Variants in TEAD1 observed in about 807,000 individuals in gnomAD.
The protein encoded by TEAD1 is TEA domain transcription factor 1.
In TEAD1, 9 loss-of-function variants were observed where a neutral mutation model predicts 54.9. The observed-to-expected ratio is 0.16, with a 90% CI of 0.10 to 0.29. The LOEUF is 0.29. Ranked by LOEUF, TEAD1 falls within the 10% of genes least tolerant of loss-of-function variation. The probability of loss-of-function intolerance (pLI) is 1.00; values close to 1 mark genes in which losing one functional copy is unlikely to be tolerated. For synonymous variants in TEAD1, 200 were observed against 187.8 expected (o/e 1.07, Z -0.53); for missense variants, 387 against 535.9 (o/e 0.72, Z 2.74).
chr11:12,767,917 A>T lies in TEAD1; in HGVS notation c.202+3483A>T, dbSNP rs573425824. On this transcript the variant is annotated intron_variant, in intron 3 of 12. Transcript: ENST00000527636. Reference sequence around the variant, plus strand: ...GTAGATCATGGGAGAGGAGATAGATAGCAGGAGGACAAGATGAGAGGGAAG... The same window carrying T: ...GTAGATCATGGGAGAGGAGATAGATTGCAGGAGGACAAGATGAGAGGGAAG... 7.2e-5 allele frequency among the ~76,000 whole-genome samples: 11 copies of T among 152,318 alleles called. No individual in the cohort carries two copies. The East Asian group carries it at 2.1e-3, about 29-fold the overall frequency.
chr11:12,905,344 A>G (rs1465073089), intron 10 of TEAD1, among the ~76,000 whole-genome samples: 1 of 152,202 alleles, frequency 6.6e-6, no homozygotes, highest in Non-Finnish European at 1.5e-5. Context: ...GGAGATGTGC[A>G]AATTTAGAAA....
chr11:12,796,275 G>A (rs1041046393), intron 3 of TEAD1, among the ~76,000 whole-genome samples: 3 of 152,132 alleles, frequency 2.0e-5, no homozygotes, highest in African/African-American at 7.2e-5. Context: ...AGCATATAGT[G>A]GGCAGTCAGT....
intron 3 of TEAD1, among the ~76,000 whole-genome samples, chr11:12,861,559 G>A (rs1478010166): frequency 6.6e-6 from 1 of 152,212 alleles, no homozygotes; most frequent in Non-Finnish European, 1.5e-5. Context: ...GAATATGAAT[G>A]TGAATATGAA....
rs545949482 is a variant in TEAD1 at position 12,885,902 on chromosome 11, C to A, written c.699+2777C>A. Among the ~76,000 whole-genome samples, 25 of 152,328 alleles carry A rather than the reference C, an allele frequency of 1.6e-4. No homozygotes were observed. In the South Asian group the frequency reaches 3.3e-3, roughly 20 times the overall value. Reference sequence around the variant, plus strand: ...CAAGAAGCTGTACAGGAGAGGGGCTCATCGCTGCCCAGACGGCCACAGCCT... The same window carrying A: ...CAAGAAGCTGTACAGGAGAGGGGCTAATCGCTGCCCAGACGGCCACAGCCT... On this transcript the variant is annotated intron_variant, in intron 9 of 12. Transcript: ENST00000527636.
intron 2 of TEAD1, among the ~76,000 whole-genome samples, chr11:12,717,685 T>G (rs967663641): frequency 5.9e-5 from 9 of 152,174 alleles, no homozygotes; most frequent in African/African-American, 2.2e-4. Context: ...TTGTGTGGTG[T>G]TAACAGGGAG....
intron 2 of TEAD1, among the ~76,000 whole-genome samples, chr11:12,712,226 T>G (rs199531945): frequency 3.3e-5 from 5 of 152,286 alleles, no homozygotes; most frequent in Admixed American, 2.6e-4. Context: ...AATTTGAGCT[T>G]CTTATTGGAG....
At chr11:12,840,263 G>GAAAAAAAAAAAAAAAAAAA (rs1564959349) in intron 3 of TEAD1, among the ~76,000 whole-genome samples, 1 of 43,544 alleles carries the variant, frequency 2.3e-5, no homozygotes, top group African/African-American at 9.5e-5. Flanking sequence ...AAAAAAAAAA[G>GAAAAAAAAAAAAAAAAAAA]AAAAAAAAAA....
chr11:12,716,603 G>C (rs1011375388), intron 2 of TEAD1, among the ~76,000 whole-genome samples: 39 of 152,156 alleles, frequency 2.6e-4, no homozygotes, highest in African/African-American at 9.2e-4. Flanking sequence ...CAGGTCACCT[G>C]GTCTCTGCCA....
intron 10 of TEAD1, among the ~76,000 whole-genome samples, chr11:12,909,154 C>T (rs906036432): frequency 2.6e-5 from 4 of 152,088 alleles, no homozygotes; most frequent in African/African-American, 7.2e-5. Context: ...CAAAAGTCTT[C>T]GATTCTTCCT....
At chr11:12,802,658 A>G (rs1442970110) in intron 3 of TEAD1, among the ~76,000 whole-genome samples, 1 of 152,144 alleles carries the variant, frequency 6.6e-6, no homozygotes, top group Non-Finnish European at 1.5e-5. Context: ...ATCCAGGTCA[A>G]GATGAAGAAA....
chr11:12,700,806 G>A (rs1943684283), intron 2 of TEAD1, among the ~76,000 whole-genome samples: 1 of 152,152 alleles, frequency 6.6e-6, no homozygotes, highest in African/African-American at 2.4e-5. Flanking sequence ...TAATGCATCT[G>A]GTGCCAAGTG....
At chr11:12,777,676 C>G (rs1251053385) in intron 3 of TEAD1, among the ~76,000 whole-genome samples, 1 of 152,238 alleles carries the variant, frequency 6.6e-6, no homozygotes, top group Admixed American at 6.5e-5. Context: ...TCAACTGTTA[C>G]TGCAATCTCT....
At chr11:12,936,461 T>C (rs1949101117) in intron 12 of TEAD1, among the ~76,000 whole-genome samples, 1 of 152,218 alleles carries the variant, frequency 6.6e-6, no homozygotes. Context: ...CTGGTTAACA[T>C]AGTGGTGAGG....
intron 2 of TEAD1, among the ~76,000 whole-genome samples, chr11:12,750,583 C>T (rs1944850788): frequency 6.6e-6 from 1 of 152,150 alleles, no homozygotes; most frequent in African/African-American, 2.4e-5. Flanking sequence ...ACACGTACAC[C>T]TTCAGGAGTT....
chr11:12,801,891 T>G (rs1946067178), intron 3 of TEAD1, among the ~76,000 whole-genome samples: 1 of 152,196 alleles, frequency 6.6e-6, no homozygotes, highest in South Asian at 2.1e-4. Flanking sequence ...GATTTTGTTG[T>G]GGGGAGGCAG....
intron 5 of TEAD1, among the ~76,000 whole-genome samples, chr11:12,867,536 TC>T (rs1322588890): frequency 1.3e-5 from 2 of 152,088 alleles, no homozygotes; most frequent in African/African-American, 4.8e-5. Flanking sequence ...TTTCTTTCAC[TC>T]CCTCCATGAG....
intron 5 of TEAD1, among the ~76,000 whole-genome samples, chr11:12,873,040 C>G (rs983814361): frequency 1.2e-4 from 18 of 152,190 alleles, no homozygotes; most frequent in Non-Finnish European, 2.2e-4. Flanking sequence ...TGCCACAAGC[C>G]AAGCTCTTTG....
At chr11:12,764,131 T>TA in intron 2 of TEAD1, 48 bp from the exon 3 acceptor site, 2 of 1,204,752 alleles carry the variant, frequency 1.7e-6, no homozygotes, top group Non-Finnish European at 2.3e-6. Context: ...AAGAGCATTA[T>TA]GTTTGTGGTT....
At chr11:12,758,492 G>C (rs911121629) in intron 2 of TEAD1, among the ~76,000 whole-genome samples, 1 of 145,086 alleles carries the variant, frequency 6.9e-6, no homozygotes, top group African/African-American at 2.6e-5. Flanking sequence ...CTTACTGCAA[G>C]CTCCACCTCC....
Sources: allele counts gnomAD v4.1 joint callset (sites outside exome capture counted in the v4.1 genomes callset), GRCh38; gene constraint gnomAD v4.1.1; transcripts MANE v1.5; gene names NCBI Gene and HGNC (gene_info 2026-07-23, HGNC 2026-07-21).